The following PPL variants were observed in gnomAD, a reference collection of about 807,000 sequenced individuals.
The protein encoded by PPL is 190 kDa paraneoplastic pemphigus antigen.
PPL carries 198 observed loss-of-function variants against 194.4 expected under a neutral mutation model. That is an observed-to-expected ratio of 1.02 (90% CI 0.91 to 1.15). PPL has a LOEUF of 1.15. PPL is among the 50% of genes most tolerant of loss of function. The pLI is 0.00. For synonymous variants in PPL, 1,220 were observed against 972.4 expected, an observed-to-expected ratio of 1.25 and a Z score of -4.74; for missense variants, 2,885 against 2,294.8, an observed-to-expected ratio of 1.26 and a Z score of -5.25.
Position 4,883,262 on chromosome 16 carries a change from G to T in PPL, c.*122C>A. The T allele has an allele frequency of 7.3e-7, 1 of 1,366,698 alleles. No individual in the cohort carries two copies. Among genetic ancestry groups the T allele is most frequent in the Non-Finnish European group, 1.0e-6 (1 of 993,694 alleles). The allele number at this position is 1,366,698 out of a possible 1,614,324, so 84.7% of individuals were successfully genotyped here. A position where few individuals can be genotyped will look rare whatever the true frequency, so the allele number is the denominator to read the frequency against. ...GGGCGGGACTCTGAGCAGCCTGGCAGCGAGGGTATGTATAAAATGCTTGGC... is the reference window on the plus strand; with the variant it reads ...GGGCGGGACTCTGAGCAGCCTGGCATCGAGGGTATGTATAAAATGCTTGGC... On this transcript the variant is annotated 3_prime_UTR_variant, in exon 22 of 22. Transcript: ENST00000345988. This position sits in a 1 kb window ranked among gnomAD's most constrained non-coding sequence, Gnocchi z 4.8.
intron 2 of PPL, 109 bp downstream of exon 2, chr16:4,910,741 G>A: frequency 3.1e-6 from 3 of 978,040 alleles, no homozygotes; most frequent in Non-Finnish European, 4.9e-6. Flanking sequence ...TGTTCCCTCG[G>A]GGCCACAATC....
rs1259645874 is a variant in PPL at position 4,936,974 on chromosome 16, G to A, written c.62+10C>T. 3 of 1,586,148 alleles carry A rather than the reference G, an allele frequency of 1.9e-6. No homozygotes were observed. Among genetic ancestry groups the A allele is most frequent in the East Asian group, 2.4e-5 (1 of 41,050 alleles). The stretch of plus-strand genomic sequence containing the variant: ...AGCGTCCCGGAGCGGAGCTGTGGGC[G>A]CCTCCTCACCTCCGGGTCTGCACAG... On this transcript the variant is annotated intron_variant, in intron 1 of 21. Coordinates refer to ENST00000345988, the MANE Select transcript of PPL (RefSeq NM_002705.5).
Position 4,908,510 on chromosome 16 carries a change from G to A in PPL, c.162+2340C>T, listed in dbSNP as rs570694475. 2.5e-3 allele frequency among the ~76,000 whole-genome samples: 387 copies of A among 151,946 alleles called. 4 individuals are homozygous for A. The highest frequency in any genetic ancestry group is 0.012 in the South Asian group (58 of 4,802). On this transcript the variant is annotated intron_variant, in intron 2 of 21. Transcript: ENST00000345988. ...TGTTAATAGTCAGTAGATACCTCTG[G>A]TGGTGGAATTCTACATGACTGACTT...
In PPL at chr16:4,885,766, C is replaced by G; in HGVS notation, c.2889G>C (p.Lys963Asn). The change falls in exon 22 of 22, where the codon AAG becomes AAC. Residue 963 changes from lysine (K) to asparagine (N), a missense_variant. Coordinates refer to ENST00000345988, the MANE Select transcript of PPL (RefSeq NM_002705.5). The surrounding 1 kb of genome is among the most constrained non-coding windows in gnomAD (Gnocchi z 6.3). ...LQRTLAEEQH[K>N]NQLLQEELEA... ...CCAGCTCCTCCTGCAGCAGCTGGTTCTTGTGCTGCTCCTCTGCCAGCGTCC... is the reference window on the plus strand; with the variant it reads ...CCAGCTCCTCCTGCAGCAGCTGGTTGTTGTGCTGCTCCTCTGCCAGCGTCC... 1 of 1,611,884 alleles carries G rather than the reference C, an allele frequency of 6.2e-7. No individual in the cohort carries two copies. The highest frequency in any genetic ancestry group is 8.5e-7 in the Non-Finnish European group (1 of 1,179,996).
At chr16:4,890,639 A>G in intron 17 of PPL, 89 bp downstream of exon 17, 3 of 1,437,548 alleles carry the variant, frequency 2.1e-6, no homozygotes, top group Non-Finnish European at 2.8e-6. Flanking sequence ...AAACAGCAAA[A>G]TCTGTGGGAC....
intron 1 of PPL, among the ~76,000 whole-genome samples, chr16:4,917,399 C>T (rs1025776229): frequency 2.6e-5 from 4 of 152,114 alleles, no homozygotes; most frequent in African/African-American, 9.7e-5. Context: ...TGAGAGAAGC[C>T]AGACACAAAA....
At position 4,882,770 on chromosome 16, in the gene PPL, G is replaced by A. The variant is rs973271245; in HGVS notation, c.*614C>T. On this transcript the variant is annotated 3_prime_UTR_variant, in exon 22 of 22. Coordinates refer to ENST00000345988, the MANE Select transcript of PPL (RefSeq NM_002705.5). ...GTGAAACATTCTCTGTAGGTGCCGG[G>A]ACAGTCTGGTGGCTGACAATTAACG... The A allele has an allele frequency of 5.9e-5, 9 of 153,156 alleles. No individual in the cohort carries two copies. Among genetic ancestry groups the A allele is most frequent in the African/African-American group, 2.2e-4 (9 of 41,480 alleles). The allele number at this position is 153,156 out of a possible 1,614,324, so 9.5% of individuals were successfully genotyped here.
Position 4,883,405 on chromosome 16 carries a change from G to A in PPL, c.5250C>T (p.Val1750=), listed in dbSNP as rs1411283435. Residue 1750 remains valine, a synonymous_variant, in exon 22 of 22, where the codon GTC becomes GTT. Transcript: ENST00000345988. This position sits in a 1 kb window ranked among gnomAD's most constrained non-coding sequence, Gnocchi z 4.8. ...GTGCCTACTTCTGCCCAGATACCAAGACCGCCAGCTCCTGGATGGACATAT... is the reference window on the plus strand; with the variant it reads ...GTGCCTACTTCTGCCCAGATACCAAAACCGCCAGCTCCTGGATGGACATAT... ...NKDMSIQELA[V]LVSGQK 3.7e-6 allele frequency: 6 copies of A among 1,614,002 alleles called. No individual in the cohort carries two copies. In the African/African-American group the frequency reaches 6.7e-5, roughly 18 times the overall value.
intron 18 of PPL, among the ~76,000 whole-genome samples, 180 bp from the exon 19 acceptor site, chr16:4,889,241 G>GTTTT (rs869094472): frequency 1.8e-4 from 12 of 66,620 alleles, no homozygotes; most frequent in African/African-American, 8.4e-4. Context: ...TGTTGTTGTT[G>GTTTT]TTTTTTTTTT....
In PPL at chr16:4,883,457, G is replaced by A. The variant is rs2088140060; in HGVS notation, c.5198C>T (p.Ala1733Val). 1 of 1,614,162 alleles carries A rather than the reference G, an allele frequency of 6.2e-7. No homozygotes were observed. Among genetic ancestry groups the A allele is most frequent in the Middle Eastern group, 1.6e-4 (1 of 6,062 alleles). Residue 1733 changes from alanine to valine, a missense_variant, in exon 22 of 22, where the codon GCT becomes GTT. Physicochemically the swap from Ala to Val is moderately conservative, Grantham distance 64. Transcript: ENST00000345988. The surrounding 1 kb of genome is among the most constrained non-coding windows in gnomAD (Gnocchi z 4.8). ...EALQSGRLTP[A>V]QYDRYVNKDM... is the part of the protein sequence containing the mutation. ...CTTGTTGACATAGCGGTCATACTGA[G>A]CAGGGGTCAGCCTGCCACTCTGCAG...
At chr16:4,934,218 CGGG>C (rs1452739832) in intron 1 of PPL, among the ~76,000 whole-genome samples, 1 of 152,084 alleles carries the variant, frequency 6.6e-6, no homozygotes, top group Non-Finnish European at 1.5e-5. Flanking sequence ...ACCCGGGCAA[CGGG>C]AGCAACGGGG....
At chr16:4,932,700 G>C (rs1208318319) in intron 1 of PPL, among the ~76,000 whole-genome samples, 2 of 152,152 alleles carry the variant, frequency 1.3e-5, no homozygotes, top group African/African-American at 4.8e-5. Flanking sequence ...TTACAGGCGT[G>C]AGCTACCGCG....
chr16:4,933,863 G>A (rs2089257411), intron 1 of PPL, among the ~76,000 whole-genome samples: 1 of 152,152 alleles, frequency 6.6e-6, no homozygotes, highest in African/African-American at 2.4e-5. Context: ...TTAACCCTGG[G>A]TACACCACAG....
In PPL at chr16:4,884,021, G is replaced by A. The variant is rs200462007; in HGVS notation, c.4634C>T (p.Ser1545Leu). The change falls in exon 22 of 22, where the codon TCG becomes TTG. Residue 1545 changes from serine (S) to leucine (L), a missense_variant. By Grantham distance (145) the Ser-to-Leu change is moderately radical. Transcript: ENST00000345988. This position sits in a 1 kb window ranked among gnomAD's most constrained non-coding sequence, Gnocchi z 5.7. Reference protein sequence around the residue: ...VEVSRLEARLSELEFHNSKSS... With the variant: ...VEVSRLEARLLELEFHNSKSS... ...CTTGGAGTTATGGAATTCCAGCTCC[G>A]AAAGCCTGGCTTCCAGCCGGCTCAC... 30 of 1,613,628 alleles carry A rather than the reference G, an allele frequency of 1.9e-5. No homozygotes were observed. Among genetic ancestry groups the A allele is most frequent in the African/African-American group, 5.3e-5 (4 of 74,906 alleles).
At chr16:4,904,176 A>C (rs924660858) in intron 2 of PPL, 136 bp from the exon 3 acceptor site, 9 of 926,422 alleles carry the variant, frequency 9.7e-6, no homozygotes, top group Non-Finnish European at 1.1e-5. Flanking sequence ...AGGCTTGTCC[A>C]TATGGAGCGC....
At chr16:4,905,953 T>C (rs950501874) in intron 2 of PPL, among the ~76,000 whole-genome samples, 2 of 152,086 alleles carry the variant, frequency 1.3e-5, no homozygotes, top group Non-Finnish European at 2.9e-5. Flanking sequence ...AAAATATTTT[T>C]AAAAGGTAGC....
intron 3 of PPL, among the ~76,000 whole-genome samples, chr16:4,903,283 G>T (rs372031651): frequency 1.3e-5 from 2 of 152,136 alleles, no homozygotes; most frequent in East Asian, 3.9e-4. Context: ...AAGGAAGCCA[G>T]GGACAGGGCA....
chr16:4,897,537 T>G, intron 9 of PPL, 138 bp downstream of exon 9: 1 of 637,440 alleles, frequency 1.6e-6, no homozygotes, highest in Non-Finnish European at 2.7e-6. Context: ...GAAGCATGGG[T>G]GCTGGGGGCC....
intron 1 of PPL, among the ~76,000 whole-genome samples, chr16:4,914,327 C>G (rs1377654801): frequency 6.6e-6 from 1 of 152,170 alleles, no homozygotes; most frequent in African/African-American, 2.4e-5. Flanking sequence ...AGAGCTGGGC[C>G]CAGGAAGCTG....
Sources: allele counts gnomAD v4.1 joint callset (sites outside exome capture counted in the v4.1 genomes callset), GRCh38; gene constraint gnomAD v4.1.1; non-coding constraint Gnocchi (gnomAD v3.1); transcripts MANE v1.5; gene names NCBI Gene and HGNC (gene_info 2026-07-23, HGNC 2026-07-21).